The following USH2A variants were observed in gnomAD, a reference collection of about 807,000 sequenced individuals.
USH2A encodes the protein usherin, also known as Usher syndrome 2A (autosomal recessive, mild).
A neutral mutation model predicts 538.9 loss-of-function variants in USH2A; 443 were observed. That is an observed-to-expected ratio of 0.82 (90% CI 0.76 to 0.89). The LOEUF (loss-of-function observed/expected upper bound fraction) is 0.89. Ranked by LOEUF, USH2A falls within the 40% of genes least tolerant of loss-of-function variation. USH2A has a pLI of 0.00. For synonymous variants in USH2A, 2,413 were observed against 2,273.5 expected (o/e 1.06, Z -1.75); for missense variants, 6,633 against 6,324.8 (o/e 1.05, Z -1.65).
At chr1:215,743,371 CATATAT>C in intron 58 of USH2A, 36 bp from the exon 59 acceptor site, 4 of 403,916 alleles carry the variant, frequency 9.9e-6, no homozygotes, top group East Asian at 1.3e-4. Flanking sequence ...ACATTAAAAA[CATATAT>C]ATATATATAT....
chr1:215,641,344 A>G (rs1036816429), intron 67 of USH2A, among the ~76,000 whole-genome samples: 1 of 152,174 alleles, frequency 6.6e-6, no homozygotes, highest in African/African-American at 2.4e-5. Context: ...TTCAAGTATA[A>G]TAATTCATGG....
At chr1:215,974,299 G>A (rs1281253019) in intron 35 of USH2A, among the ~76,000 whole-genome samples, 1 of 152,094 alleles carries the variant, frequency 6.6e-6, no homozygotes, top group Non-Finnish European at 1.5e-5. Flanking sequence ...AGCCTAAGAA[G>A]ATGCTTTTTT....
rs534969518 is a variant in USH2A, at chr1:215,783,800, T to C, written c.10388-865A>G. ...AGCTTCTGGATGACTCTTTCTCAGA[T>C]TGAGCATCAGAAAAGGAGGCCTTCC... is the stretch of plus-strand genomic sequence containing the variant. On this transcript the variant is annotated intron_variant, in intron 52 of 71. Coordinates refer to ENST00000307340, the MANE Select transcript of USH2A (RefSeq NM_206933.4). Among the ~76,000 whole-genome samples the C allele has an allele frequency of 1.3e-3, 197 of 152,206 alleles. 2 individuals carry two copies. Among genetic ancestry groups the C allele is most frequent in the Non-Finnish European group, 2.0e-3 (134 of 68,040 alleles).
At chr1:215,716,015 T>A (rs4655423) in intron 61 of USH2A, among the ~76,000 whole-genome samples, 1 of 152,156 alleles carries the variant, frequency 6.6e-6, no homozygotes, top group Non-Finnish European at 1.5e-5. Flanking sequence ...CTGTCTATAC[T>A]TAGAGAGTTG....
intron 21 of USH2A, chr1:216,174,647 G>C: frequency 3.0e-6 from 3 of 985,300 alleles, no homozygotes; most frequent in Non-Finnish European, 3.6e-6. Flanking sequence ...AGCCTCACTT[G>C]CTTTACCATA....
intron 15 of USH2A, among the ~76,000 whole-genome samples, chr1:216,215,564 T>G (rs1485364108): frequency 6.6e-6 from 1 of 152,098 alleles, no homozygotes. Context: ...TGTTTTGACC[T>G]CCTCTGAAGG....
At chr1:216,371,022 C>A (rs764958422) in intron 3 of USH2A, among the ~76,000 whole-genome samples, 17 of 152,208 alleles carry the variant, frequency 1.1e-4, no homozygotes, top group Non-Finnish European at 2.5e-4. Flanking sequence ...CCCCACTTTG[C>A]AAAGGAGGAC....
chr1:215,638,047 C>T (rs933896940), intron 69 of USH2A, among the ~76,000 whole-genome samples: 9 of 152,042 alleles, frequency 5.9e-5, no homozygotes, highest in East Asian at 1.9e-4. Context: ...CTAAATTACC[C>T]GATATCAACA....
intron 58 of USH2A, among the ~76,000 whole-genome samples, chr1:215,748,016 C>G (rs531128009): frequency 4.6e-5 from 7 of 151,948 alleles, no homozygotes; most frequent in African/African-American, 1.7e-4. Flanking sequence ...CTCAGCCTCC[C>G]GAGTAGCTGG....
rs1663488836 is a variant in USH2A, at chr1:215,836,458, TATATATTATATATATATATATA to T, written c.9371+1511_9371+1532del. 8.4e-5 allele frequency among the ~76,000 whole-genome samples: 3 copies of T among 35,890 alleles called. 1 individual carries two copies. Among genetic ancestry groups the T allele is most frequent in the Non-Finnish European group, 1.6e-4 (3 of 18,766 alleles). 23.5% of individuals were successfully genotyped at this position (35,890 alleles called of 152,430 possible). A position where few individuals can be genotyped will look rare whatever the true frequency, so the allele number is the denominator to read the frequency against. ...CTTTTGCCTTCTATGTGTGTGTGTA[TATATATTATATATATATATATA>T]ATATATATTATATATATAATATATA... On this transcript the variant is annotated intron_variant, in intron 47 of 71. Coordinates refer to ENST00000307340, the MANE Select transcript of USH2A (RefSeq NM_206933.4).
chr1:216,258,028 T>G (rs2036292271), intron 11 of USH2A, among the ~76,000 whole-genome samples: 1 of 152,118 alleles, frequency 6.6e-6, no homozygotes, highest in South Asian at 2.1e-4. Flanking sequence ...CAATTTTGAT[T>G]GATGCATTTA....
At position 216,418,696 on chromosome 1, in the gene USH2A, A is replaced by T; in HGVS notation, c.486-17T>A. 1 of 1,612,352 alleles carries T rather than the reference A, an allele frequency of 6.2e-7. No individual in the cohort carries two copies. The highest frequency in any genetic ancestry group is 8.5e-7 in the Non-Finnish European group (1 of 1,178,946). ...ATAACACACCTTAGGAAGCAACCGG[A>T]AAAGAGAGAAAAGGTCAGCATCCAA... On this transcript the variant is annotated splice_polypyrimidine_tract_variant and intron_variant, in intron 2 of 71. Transcript: ENST00000307340.
rs1044333529 is a variant in USH2A at position 216,421,835 on chromosome 1, C to T, written c.485+17G>A. The T allele has an allele frequency of 1.4e-5, 22 of 1,613,664 alleles. No individual in the cohort carries two copies. In the Admixed American group the frequency reaches 2.3e-4, roughly 17 times the overall value. On this transcript the variant is annotated intron_variant, in intron 2 of 71. Coordinates refer to ENST00000307340, the MANE Select transcript of USH2A (RefSeq NM_206933.4). ...TTTTGGGGACCTATGAAAGCTTATA[C>T]CTACACTACTACTTACATTACACCT...
At chr1:215,936,645 A>G (rs1221398391) in intron 37 of USH2A, among the ~76,000 whole-genome samples, 1 of 152,118 alleles carries the variant, frequency 6.6e-6, no homozygotes, top group Non-Finnish European at 1.5e-5. Flanking sequence ...TACAACTGAT[A>G]CATTCTAGCC....
At chr1:215,831,017 C>A (rs993668872) in intron 47 of USH2A, among the ~76,000 whole-genome samples, 1 of 151,972 alleles carries the variant, frequency 6.6e-6, no homozygotes, top group South Asian at 2.1e-4. Context: ...AGGAATCAAT[C>A]GAAAAATCAC....
chr1:215,989,075 A>G (rs978772506), intron 35 of USH2A, among the ~76,000 whole-genome samples: 7 of 152,200 alleles, frequency 4.6e-5, no homozygotes, highest in Admixed American at 3.9e-4. Context: ...TTTATATTAG[A>G]ACTTTTTATA....
chr1:216,376,666 T>C (rs2038826983), intron 3 of USH2A, among the ~76,000 whole-genome samples: 1 of 152,144 alleles, frequency 6.6e-6, no homozygotes, highest in African/African-American at 2.4e-5. Context: ...GGTCATTGGA[T>C]TTCTGTTTAT....
chr1:216,396,405 T>C (rs1370885450), intron 3 of USH2A, among the ~76,000 whole-genome samples: 1 of 152,162 alleles, frequency 6.6e-6, no homozygotes, highest in Non-Finnish European at 1.5e-5. Flanking sequence ...GTGAGTCACC[T>C]AGAGTTTATG....
At chr1:216,070,674 A>G (rs1347994278) in intron 29 of USH2A, among the ~76,000 whole-genome samples, 1 of 152,138 alleles carries the variant, frequency 6.6e-6, no homozygotes, top group Non-Finnish European at 1.5e-5. Flanking sequence ...GTTATTATAC[A>G]TAGTAGTTTG....
Sources: allele counts gnomAD v4.1 joint callset (sites outside exome capture counted in the v4.1 genomes callset), GRCh38; gene constraint gnomAD v4.1.1; transcripts MANE v1.5; gene names NCBI Gene and HGNC (gene_info 2026-07-23, HGNC 2026-07-21).